Variants in SNAP25 observed in about 807,000 individuals in gnomAD.
SNAP25 encodes the protein synaptosomal-associated protein 25.
Under a neutral mutation model 28.7 loss-of-function variants are expected in SNAP25, and 3 were observed. The observed-to-expected ratio is 0.10, with a 90% CI of 0.05 to 0.27. The LOEUF (loss-of-function observed/expected upper bound fraction) is 0.27, where lower values mean the gene tolerates loss of function less well. Ranked by LOEUF, SNAP25 falls within the 10% of genes least tolerant of loss-of-function variation. The pLI is 1.00. For synonymous variants in SNAP25, 61 were observed against 88.1 expected, an observed-to-expected ratio of 0.69 and a Z score of 1.72; for missense variants, 117 against 278.7, an observed-to-expected ratio of 0.42 and a Z score of 4.13.
intron 1 of SNAP25, among the ~76,000 whole-genome samples, chr20:10,242,609 A>G (rs2063054391): frequency 6.6e-6 from 1 of 152,234 alleles, no homozygotes; most frequent in Non-Finnish European, 1.5e-5. Context: ...CTAGACTAAG[A>G]AAGTGTCCTG....
At chr20:10,230,967 C>A (rs1376769213) in intron 1 of SNAP25, among the ~76,000 whole-genome samples, 2 of 152,214 alleles carry the variant, frequency 1.3e-5, no homozygotes, top group East Asian at 3.9e-4. Context: ...CCAATCCCAG[C>A]CCCCAGAATC....
chr20:10,277,844 C>A, intron 3 of SNAP25, 118 bp downstream of exon 3: 1 of 954,588 alleles, frequency 1.0e-6, no homozygotes, highest in South Asian at 1.4e-5. Context: ...GTGGATGTAG[C>A]CTATCAGAAA....
At chr20:10,244,564 G>T (rs2063093684) in intron 1 of SNAP25, among the ~76,000 whole-genome samples, 1 of 152,146 alleles carries the variant, frequency 6.6e-6, no homozygotes, top group African/African-American at 2.4e-5. Context: ...AATGTAGGCA[G>T]TTCGACTTCA....
intron 7 of SNAP25, among the ~76,000 whole-genome samples, chr20:10,304,883 C>A (rs73258312): frequency 0.057 from 8,678 of 152,124 alleles, 664 homozygotes; most frequent in African/African-American, 0.17. Context: ...CGGATGCTCA[C>A]AACACTTGAG....
At chr20:10,273,147 T>A (rs1015466282) in intron 1 of SNAP25, among the ~76,000 whole-genome samples, 1 of 120,356 alleles carries the variant, frequency 8.3e-6, no homozygotes, top group Non-Finnish European at 1.7e-5. Flanking sequence ...TGTTCCTGAT[T>A]TTTTTTTTCA....
chr20:10,246,033 C>A (rs1466953317), intron 1 of SNAP25, among the ~76,000 whole-genome samples: 3 of 152,178 alleles, frequency 2.0e-5, no homozygotes, highest in Admixed American at 6.5e-5. Context: ...TGTCCTCAAG[C>A]ATTGACATTA....
chr20:10,281,074 A>G (rs1312845228), intron 3 of SNAP25, among the ~76,000 whole-genome samples: 1 of 152,200 alleles, frequency 6.6e-6, no homozygotes, highest in Non-Finnish European at 1.5e-5. Context: ...TTCATCTGGA[A>G]AAATTTTTTT....
intron 1 of SNAP25, among the ~76,000 whole-genome samples, chr20:10,270,564 G>A (rs1244234767): frequency 6.6e-6 from 1 of 152,138 alleles, no homozygotes; most frequent in African/African-American, 2.4e-5. Flanking sequence ...GCTGGGCGTG[G>A]TGGCATGCAC....
chr20:10,225,575 T>C (rs902462629), intron 1 of SNAP25, among the ~76,000 whole-genome samples: 1 of 152,164 alleles, frequency 6.6e-6, no homozygotes, highest in African/African-American at 2.4e-5. Context: ...ATATATTTCA[T>C]CCTCTTCTTT....
chr20:10,253,348 G>A (rs991056585), intron 1 of SNAP25, among the ~76,000 whole-genome samples: 5 of 152,228 alleles, frequency 3.3e-5, no homozygotes, highest in South Asian at 2.1e-4. Context: ...CTCTGTCCAC[G>A]GTATTGTATC....
At chr20:10,224,063 C>T (rs1397062583) in intron 1 of SNAP25, among the ~76,000 whole-genome samples, 2 of 152,044 alleles carry the variant, frequency 1.3e-5, no homozygotes, top group African/African-American at 4.8e-5. Flanking sequence ...GGTCAGATTA[C>T]TATTATTATT....
chr20:10,289,102 G>A (rs1028523652), intron 4 of SNAP25, among the ~76,000 whole-genome samples: 4 of 152,260 alleles, frequency 2.6e-5, no homozygotes, highest in Non-Finnish European at 5.9e-5. Context: ...TGTTGGGTCA[G>A]GCCAGGCCAT....
intron 7 of SNAP25, among the ~76,000 whole-genome samples, chr20:10,305,158 A>C (rs182672910): frequency 6.6e-6 from 1 of 152,246 alleles, no homozygotes; most frequent in East Asian, 1.9e-4. Context: ...ATTTTTTCTA[A>C]ATTTTCTCAA....
In SNAP25 at chr20:10,292,958, T is replaced by C. The variant is rs903561021; in HGVS notation, c.164-203T>C. 1.9e-6 allele frequency: 3 copies of C among 1,613,578 alleles called. No individual in the cohort carries two copies. The South Asian group carries it at 3.3e-5, about 18-fold the overall frequency. ...AGGAGGCTGAGAAAAATTTAAAAGA[T>C]TTAGGGAAATGCTGTGGCCTTTTCA... On this transcript the variant is annotated intron_variant, in intron 4 of 7. Coordinates refer to ENST00000254976, the MANE Select transcript of SNAP25 (RefSeq NM_130811.4).
chr20:10,252,235 T>C (rs946845688), intron 1 of SNAP25, among the ~76,000 whole-genome samples: 2 of 152,340 alleles, frequency 1.3e-5, no homozygotes, highest in South Asian at 4.1e-4. Flanking sequence ...ACTTCATTAG[T>C]GAGAAAACCA....
In SNAP25 at chr20:10,293,102, T is replaced by C; in HGVS notation, c.164-59T>C. 1.3e-6 allele frequency: 2 copies of C among 1,519,972 alleles called. No homozygotes were observed. The highest frequency in any genetic ancestry group is 1.8e-6 in the Non-Finnish European group (2 of 1,120,436). 94.2% of individuals were successfully genotyped at this position (1,519,972 alleles called of 1,614,324 possible). On this transcript the variant is annotated intron_variant, in intron 4 of 7. Transcript: ENST00000254976. This position sits in a 1 kb window ranked among gnomAD's most constrained non-coding sequence, Gnocchi z 5.6. ...TGAATGTCTGAAGTTTTGTCTTTTT[T>C]TCTTTGTCCTTTTCCATCTGCTTCA...
chr20:10,247,072 A>G (rs2063142064), intron 1 of SNAP25, among the ~76,000 whole-genome samples: 1 of 152,212 alleles, frequency 6.6e-6, no homozygotes, highest in Non-Finnish European at 1.5e-5. Flanking sequence ...GTTTCTAAGC[A>G]TGAAGATGGC....
At chr20:10,263,509 T>C (rs2063456435) in intron 1 of SNAP25, among the ~76,000 whole-genome samples, 1 of 152,158 alleles carries the variant, frequency 6.6e-6, no homozygotes, top group African/African-American at 2.4e-5. Context: ...AATAGTTTGG[T>C]TTTCATGAGA....
At chr20:10,297,528 C>A (rs968485324) in intron 6 of SNAP25, among the ~76,000 whole-genome samples, 3 of 152,142 alleles carry the variant, frequency 2.0e-5, no homozygotes, top group Non-Finnish European at 4.4e-5. Context: ...GTGGGCAGGA[C>A]TAATAACAAG....
Sources: allele counts gnomAD v4.1 joint callset (sites outside exome capture counted in the v4.1 genomes callset), GRCh38; gene constraint gnomAD v4.1.1; non-coding constraint Gnocchi (gnomAD v3.1); transcripts MANE v1.5; gene names NCBI Gene and HGNC (gene_info 2026-07-23, HGNC 2026-07-21).